OPHN1: variants seen among roughly 807,000 people sequenced by gnomAD.
OPHN1 encodes the protein oligophrenin 1.
A neutral mutation model predicts 60.7 loss-of-function variants in OPHN1; 11 were observed. The observed-to-expected ratio is 0.18, with a 90% confidence interval of 0.11 to 0.30. The LOEUF is 0.30. Ranked by LOEUF, OPHN1 falls within the 10% of genes least tolerant of loss-of-function variation. The pLI is 1.00. For missense variants in OPHN1, 449 were observed against 611.0 expected (o/e 0.73, Z 2.80); for synonymous variants, 226 against 222.6 (o/e 1.02, Z -0.14).
chrX:68,271,073 C>T (rs1405718043), intron 5 of OPHN1, among the ~76,000 whole-genome samples: 3 of 111,641 alleles, frequency 2.7e-5, no homozygotes, highest in East Asian at 2.8e-4. Context: ...CTCACAAAGC[C>T]AGCTAGCAGC....
chrX:68,072,651 A>G (rs763459660), intron 20 of OPHN1, among the ~76,000 whole-genome samples: 2 of 111,314 alleles, frequency 1.8e-5, no homozygotes, highest in Non-Finnish European at 3.8e-5. Flanking sequence ...AGGAGGGCAG[A>G]GGCACATTTA....
rs2078669278 is a variant in OPHN1, at chrX:68,393,965, GGCTCACTGCAA to G, written c.154+38891_154+38901del. ...GGCTGGAGTGCAGTGGCGCGATCTC[GGCTCACTGCAA>G]GCTCCGCCTCCCGGGTTCACGCCAT... is the stretch of plus-strand genomic sequence containing the variant. On this transcript the variant is annotated intron_variant, in intron 2 of 24. Coordinates refer to ENST00000355520, the MANE Select transcript of OPHN1 (RefSeq NM_002547.3). Among the ~76,000 whole-genome samples, 5 of 88,640 alleles carry G rather than the reference GGCTCACTGCAA, an allele frequency of 5.6e-5. No individual in the cohort carries two copies. In the South Asian group the frequency reaches 2.7e-3, roughly 47 times the overall value. The allele number at this position is 88,640 out of a possible 115,157, so 77.0% of individuals were successfully genotyped here.
chrX:68,196,438 T>A (rs1250726646), intron 12 of OPHN1, among the ~76,000 whole-genome samples: 1 of 111,849 alleles, frequency 8.9e-6, no homozygotes, highest in Non-Finnish European at 1.9e-5. Flanking sequence ...CTCAGAGAGG[T>A]GAAATGATTT....
chrX:68,219,539 T>C (rs1346078972), intron 6 of OPHN1, among the ~76,000 whole-genome samples: 1 of 109,077 alleles, frequency 9.2e-6, no homozygotes, highest in Non-Finnish European at 1.9e-5. Flanking sequence ...AGTAAAGCTC[T>C]CCTCAGCAAA....
intron 15 of OPHN1, among the ~76,000 whole-genome samples, chrX:68,119,997 T>C (rs899862252): frequency 2.7e-5 from 3 of 111,533 alleles, no homozygotes; most frequent in African/African-American, 9.8e-5. Flanking sequence ...TGGAGTTTTA[T>C]CAGAACCTAA....
chrX:68,243,580 G>A (rs1227437893), intron 5 of OPHN1, among the ~76,000 whole-genome samples: 2 of 110,452 alleles, frequency 1.8e-5, no homozygotes, highest in African/African-American at 6.6e-5. Flanking sequence ...TAGAGACAGG[G>A]TTTCACCATG....
chrX:68,053,025 C>T (rs1425390759), intron 22 of OPHN1, among the ~76,000 whole-genome samples: 4 of 111,380 alleles, frequency 3.6e-5, no homozygotes, highest in Non-Finnish European at 7.5e-5. Flanking sequence ...GAGAATGGTC[C>T]CAGTCGATAA....
chrX:68,241,481 C>A (rs1263603553), intron 5 of OPHN1, among the ~76,000 whole-genome samples: 2 of 111,650 alleles, frequency 1.8e-5, no homozygotes, highest in African/African-American at 6.5e-5. Flanking sequence ...TATTGACCTA[C>A]AGGGGTATCC....
At chrX:68,417,449 A>G (rs1249712513) in intron 2 of OPHN1, among the ~76,000 whole-genome samples, 1 of 112,262 alleles carries the variant, frequency 8.9e-6, no homozygotes, top group Non-Finnish European at 1.9e-5. Flanking sequence ...GAAAGGAGCA[A>G]AAAGCAAAGG....
chrX:68,135,093 T>C (rs188931413), intron 15 of OPHN1, among the ~76,000 whole-genome samples: 65 of 111,236 alleles, frequency 5.8e-4, no homozygotes, highest in African/African-American at 2.1e-3. Flanking sequence ...TTCAAATGCA[T>C]GCCAATACCT....
intron 15 of OPHN1, among the ~76,000 whole-genome samples, chrX:68,163,775 C>T (rs2077346077): frequency 1.8e-5 from 2 of 111,007 alleles, no homozygotes; most frequent in African/African-American, 6.5e-5. Flanking sequence ...TAATAACAGC[C>T]ATTCAAATAA....
intron 2 of OPHN1, among the ~76,000 whole-genome samples, chrX:68,368,106 G>A (rs777711741): frequency 7.2e-5 from 8 of 111,851 alleles, no homozygotes; most frequent in Admixed American, 1.9e-4. Flanking sequence ...AACACTGCAC[G>A]CTGACCTAAT....
At chrX:68,144,042 T>A (rs1238865921) in intron 15 of OPHN1, among the ~76,000 whole-genome samples, 1 of 110,809 alleles carries the variant, frequency 9.0e-6, no homozygotes, top group African/African-American at 3.3e-5. Context: ...TGGGGTCTCA[T>A]TCTGTCAACC....
intron 2 of OPHN1, among the ~76,000 whole-genome samples, chrX:68,377,479 G>C (rs1452833885): frequency 9.5e-6 from 1 of 105,631 alleles, no homozygotes; most frequent in East Asian, 3.0e-4. Flanking sequence ...TGTGCATAAT[G>C]TGCAGGTTAG....
At chrX:68,330,106 C>G (rs922932878) in intron 2 of OPHN1, among the ~76,000 whole-genome samples, 4 of 96,077 alleles carry the variant, frequency 4.2e-5, no homozygotes, top group African/African-American at 1.5e-4. Flanking sequence ...TTTTTTTTTT[C>G]TTCCTTTTTT....
intron 3 of OPHN1, among the ~76,000 whole-genome samples, chrX:68,288,923 A>T (rs952885172): frequency 8.9e-6 from 1 of 111,834 alleles, no homozygotes; most frequent in East Asian, 2.8e-4. Context: ...AGCATCTTCT[A>T]AAAACTAACC....
At chrX:68,196,417 G>T (rs982654258) in intron 12 of OPHN1, among the ~76,000 whole-genome samples, 15 of 111,898 alleles carry the variant, frequency 1.3e-4, no homozygotes, top group Admixed American at 2.9e-4. Flanking sequence ...CTGAGGAGAA[G>T]AAAACTGAAT....
intron 15 of OPHN1, among the ~76,000 whole-genome samples, chrX:68,181,573 C>T (rs1241225039): frequency 1.8e-5 from 2 of 111,169 alleles, no homozygotes; most frequent in African/African-American, 3.3e-5. Context: ...GCCTGTAATC[C>T]GAGCACTTTA....
intron 15 of OPHN1, among the ~76,000 whole-genome samples, chrX:68,128,453 A>C (rs948555985): frequency 1.4e-4 from 16 of 111,470 alleles, no homozygotes; most frequent in African/African-American, 5.2e-4. Flanking sequence ...TATTAGTAAC[A>C]GACACTTCAA....
Sources: allele counts gnomAD v4.1 joint callset (sites outside exome capture counted in the v4.1 genomes callset), GRCh38; gene constraint gnomAD v4.1.1; transcripts MANE v1.5; gene names NCBI Gene and HGNC (gene_info 2026-07-23, HGNC 2026-07-21).